The following MED13L variants were observed in gnomAD, a reference collection of about 807,000 sequenced individuals.
MED13L encodes mediator of RNA polymerase II transcription subunit 13-like.
A neutral mutation model predicts 220.9 loss-of-function variants in MED13L; 7 were observed. The ratio of observed to expected loss-of-function variants is 0.03; its 90% CI spans 0.02 to 0.06. The LOEUF (loss-of-function observed/expected upper bound fraction) is 0.06. MED13L is among the 10% of genes least tolerant of loss of function. The pLI is 1.00. For missense variants in MED13L, 1,965 were observed against 2,760.5 expected (o/e 0.71, Z 6.46); for synonymous variants, 1,011 against 1,015.2 (o/e 1.00, Z 0.08).
chr12:116,108,084 C>T (rs1873738458), intron 3 of MED13L, among the ~76,000 whole-genome samples: 1 of 150,480 alleles, frequency 6.6e-6, no homozygotes, highest in Non-Finnish European at 1.5e-5. Flanking sequence ...AGCGAGACTC[C>T]ATCTCAAAAC....
At chr12:116,252,999 C>T (rs1167053305) in intron 1 of MED13L, among the ~76,000 whole-genome samples, 6 of 152,112 alleles carry the variant, frequency 3.9e-5, no homozygotes, top group Non-Finnish European at 7.3e-5. Context: ...TGATGGCTCA[C>T]GCCTATAATC....
chr12:116,098,432 C>G (rs1165741344), intron 3 of MED13L, among the ~76,000 whole-genome samples: 2 of 152,098 alleles, frequency 1.3e-5, no homozygotes, highest in African/African-American at 4.8e-5. Flanking sequence ...AGGGTCCTAC[C>G]TACCAGCAAA....
chr12:116,030,785 C>G (rs1029820914), intron 4 of MED13L, among the ~76,000 whole-genome samples: 1 of 151,666 alleles, frequency 6.6e-6, no homozygotes, highest in African/African-American at 2.4e-5. Context: ...AACTTTATGC[C>G]GATAAATCTG....
At chr12:116,240,853 C>A (rs1870569632) in intron 1 of MED13L, among the ~76,000 whole-genome samples, 1 of 151,466 alleles carries the variant, frequency 6.6e-6, no homozygotes, top group Admixed American at 6.6e-5. Context: ...TAATCAGAAA[C>A]CCTAACATCA....
At chr12:116,205,356 C>A (rs1042878182) in intron 2 of MED13L, among the ~76,000 whole-genome samples, 2 of 151,186 alleles carry the variant, frequency 1.3e-5, no homozygotes, top group Non-Finnish European at 2.9e-5. Flanking sequence ...TTTTTACACT[C>A]AATGAGACTC....
At chr12:115,984,126 G>A (rs1001000742) in intron 20 of MED13L, 54 bp downstream of exon 20, 27 of 1,549,586 alleles carry the variant, frequency 1.7e-5, no homozygotes, top group African/African-American at 1.2e-4. Flanking sequence ...GGGATGGGAC[G>A]GATTTGCTAT....
intron 4 of MED13L, among the ~76,000 whole-genome samples, chr12:116,089,423 T>A (rs528062044): frequency 6.6e-6 from 1 of 152,206 alleles, no homozygotes; most frequent in Non-Finnish European, 1.5e-5. Context: ...AAGGATGATA[T>A]CATCTAAACA....
chr12:116,254,874 C>T (rs114166860), intron 1 of MED13L, among the ~76,000 whole-genome samples: 1,543 of 152,146 alleles, frequency 0.01, 25 homozygotes, highest in African/African-American at 0.034. Flanking sequence ...CTAAGAACTA[C>T]GGAACAATGT....
At chr12:116,177,549 G>GA (rs1880163402) in intron 2 of MED13L, among the ~76,000 whole-genome samples, 1 of 152,150 alleles carries the variant, frequency 6.6e-6, no homozygotes, top group Non-Finnish European at 1.5e-5. Flanking sequence ...CATTTCACAT[G>GA]AAAGTTTCTC....
intron 17 of MED13L, among the ~76,000 whole-genome samples, chr12:115,990,689 A>T (rs1268618525): frequency 6.6e-6 from 1 of 152,234 alleles, no homozygotes; most frequent in African/African-American, 2.4e-5. Flanking sequence ...GGTGGATTTA[A>T]GCATGCAAGA....
intron 1 of MED13L, among the ~76,000 whole-genome samples, chr12:116,257,308 T>A (rs941134406): frequency 6.6e-6 from 1 of 152,194 alleles, no homozygotes; most frequent in Non-Finnish European, 1.5e-5. Flanking sequence ...CATAGTAACA[T>A]ACACTTTACA....
intron 2 of MED13L, among the ~76,000 whole-genome samples, chr12:116,115,949 C>T (rs1327354090): frequency 6.6e-6 from 1 of 152,150 alleles, no homozygotes; most frequent in Non-Finnish European, 1.5e-5. Flanking sequence ...GGAAAAGTTG[C>T]CTTTGGCGAT....
At chr12:116,043,472 A>G (rs916059956) in intron 4 of MED13L, among the ~76,000 whole-genome samples, 5 of 152,174 alleles carry the variant, frequency 3.3e-5, no homozygotes, top group Admixed American at 2.6e-4. Flanking sequence ...AGCACAGTTA[A>G]CACTATGTGG....
intron 2 of MED13L, among the ~76,000 whole-genome samples, chr12:116,197,161 G>A (rs866293347): frequency 3.3e-5 from 5 of 152,088 alleles, no homozygotes; most frequent in Non-Finnish European, 5.9e-5. Flanking sequence ...ATTAAGCTCC[G>A]GTGGATGAAA....
intron 4 of MED13L, among the ~76,000 whole-genome samples, chr12:116,071,373 A>G (rs1408623373): frequency 6.6e-6 from 1 of 152,214 alleles, no homozygotes; most frequent in Non-Finnish European, 1.5e-5. Context: ...TCCACATAAA[A>G]TTGTTTTAAA....
intron 29 of MED13L, among the ~76,000 whole-genome samples, chr12:115,964,034 C>T (rs1875962272): frequency 6.6e-6 from 1 of 152,110 alleles, no homozygotes; most frequent in South Asian, 2.1e-4. Flanking sequence ...ATGCAGTGAG[C>T]TGTGATTGCA....
intron 4 of MED13L, among the ~76,000 whole-genome samples, chr12:116,090,418 T>A (rs1474052379): frequency 1.3e-5 from 2 of 152,294 alleles, no homozygotes; most frequent in South Asian, 2.1e-4. Flanking sequence ...GGAAGAATGA[T>A]ATCAAATCTC....
At chr12:116,242,381 A>G (rs1004485182) in intron 1 of MED13L, among the ~76,000 whole-genome samples, 5 of 152,118 alleles carry the variant, frequency 3.3e-5, no homozygotes, top group Non-Finnish European at 4.4e-5. Flanking sequence ...TTATCTCTAC[A>G]ACACAAAATT....
Position 116,008,712 on chromosome 12 carries a change from T to C in MED13L, c.1701A>G (p.Glu567=). The C allele has an allele frequency of 6.2e-7, 1 of 1,613,988 alleles. No homozygotes were observed. Among genetic ancestry groups the C allele is most frequent in the Non-Finnish European group, 8.5e-7 (1 of 1,179,966 alleles). ...CCGATGGTGGGTCCAAACTCTCTGT[T>C]TCCTGACCTCGTGGCTGAGGGCTGA... is the stretch of plus-strand genomic sequence containing the variant. ...PTLSPQPRGQ[E]TESLDPPSVP... Residue 567 remains glutamate (E), a synonymous_variant, in exon 10 of 31, where the codon GAA becomes GAG. Transcript: ENST00000281928.
Sources: allele counts gnomAD v4.1 joint callset (sites outside exome capture counted in the v4.1 genomes callset), GRCh38; gene constraint gnomAD v4.1.1; transcripts MANE v1.5; gene names NCBI Gene and HGNC (gene_info 2026-07-23, HGNC 2026-07-21).